Variants in ZC3H8 observed in about 807,000 individuals in gnomAD.
The protein encoded by ZC3H8 is zinc finger CCCH-type containing 8.
A neutral mutation model predicts 42.5 loss-of-function variants in ZC3H8; 27 were observed. That is an observed-to-expected ratio of 0.64 (90% CI 0.47 to 0.88). The LOEUF (loss-of-function observed/expected upper bound fraction) is 0.88, where lower values mean the gene tolerates loss of function less well. Among genes scored for constraint, ZC3H8 ranks in the 40% least tolerant of loss-of-function variants. The pLI is 0.00. For synonymous variants in ZC3H8, 101 were observed against 110.1 expected (o/e 0.92, Z 0.52); for missense variants, 277 against 336.1 (o/e 0.82, Z 1.37).
intron 8 of ZC3H8, among the ~76,000 whole-genome samples, chr2:112,226,316 C>A (rs989433756): frequency 6.6e-6 from 1 of 151,214 alleles, no homozygotes; most frequent in South Asian, 2.1e-4. Flanking sequence ...CGGCTGGGCG[C>A]GGTAGCTCAC....
chr2:112,248,954 G>A (rs1435792829), intron 2 of ZC3H8, among the ~76,000 whole-genome samples: 1 of 152,108 alleles, frequency 6.6e-6, no homozygotes, highest in Non-Finnish European at 1.5e-5. Context: ...CAGCACTTTG[G>A]GAGGCCGAGG....
intron 2 of ZC3H8, among the ~76,000 whole-genome samples, chr2:112,244,058 G>A (rs1365907273): frequency 7.2e-6 from 1 of 138,392 alleles, no homozygotes; most frequent in Non-Finnish European, 1.6e-5. Context: ...TCATATAAAA[G>A]GATATGAATA....
At position 112,238,535 on chromosome 2, in the gene ZC3H8, A is replaced by G. The variant is rs186515035; in HGVS notation, c.157-7T>C. On this transcript the variant is annotated splice_region_variant and splice_polypyrimidine_tract_variant and intron_variant, in intron 2 of 8. Transcript: ENST00000409573. ...ATATTGCAGAGTGTCTAAACTAAGT[A>G]AAAATTAAAACTTCAATTTTAAAAA... 8,522 of 1,587,438 alleles carry G rather than the reference A, an allele frequency of 5.4e-3. 33 individuals are homozygous for G. The highest frequency in any genetic ancestry group is 6.2e-3 in the Non-Finnish European group (7,242 of 1,172,282).
At chr2:112,237,426 TTTTA>T (rs1220976647) in intron 3 of ZC3H8, among the ~76,000 whole-genome samples, 2 of 152,156 alleles carry the variant, frequency 1.3e-5, no homozygotes, top group Non-Finnish European at 2.9e-5. Context: ...TAGATCAAGT[TTTTA>T]TTTATTTATC....
chr2:112,255,031 A>G lies in ZC3H8; in HGVS notation c.-50T>C. The G allele has an allele frequency of 1.3e-6, 2 of 1,547,728 alleles. No homozygotes were observed. The highest frequency in any genetic ancestry group is 1.7e-6 in the Non-Finnish European group (2 of 1,145,398). ...CGAGCCGGGAAGCTACAGAGTAACA[A>G]CCCGAGAGAGTGACAACCCGGACGC... On this transcript the variant is annotated 5_prime_UTR_variant, in exon 1 of 9. Transcript: ENST00000409573.
rs776802564 is a variant in ZC3H8 at position 112,254,904 on chromosome 2, T to C, written c.74+4A>G. 6.2e-7 allele frequency: 1 copy of C among 1,613,122 alleles called. No homozygotes were observed. Among genetic ancestry groups the C allele is most frequent in the East Asian group, 2.2e-5 (1 of 44,864 alleles). Reference sequence around the variant, plus strand: ...ATTCAAAAGATGAAAAGATATGGGATCACCTTTCGTCAGAGTCCGTGGCCG... The same window carrying C: ...ATTCAAAAGATGAAAAGATATGGGACCACCTTTCGTCAGAGTCCGTGGCCG... On this transcript the variant is annotated splice_donor_region_variant and intron_variant, in intron 1 of 8. Coordinates refer to ENST00000409573, the MANE Select transcript of ZC3H8 (RefSeq NM_032494.3).
chr2:112,240,237 A>G (rs981331808), intron 2 of ZC3H8: 3 of 152,256 alleles, frequency 2.0e-5, no homozygotes, highest in African/African-American at 7.2e-5. Flanking sequence ...TTACTGTAAC[A>G]CCAATTACAT....
intron 2 of ZC3H8, among the ~76,000 whole-genome samples, chr2:112,241,968 G>A (rs534085766): frequency 6.6e-6 from 1 of 152,208 alleles, no homozygotes; most frequent in South Asian, 2.1e-4. Flanking sequence ...AGTGGACTGA[G>A]AATTGTTACA....
At chr2:112,236,158 G>A (rs532980998) in intron 4 of ZC3H8, among the ~76,000 whole-genome samples, 2 of 152,214 alleles carry the variant, frequency 1.3e-5, no homozygotes, top group African/African-American at 4.8e-5. Flanking sequence ...CAGCTACTCA[G>A]GAGGCTGAGG....
At chr2:112,247,526 C>A (rs1415072650) in intron 2 of ZC3H8, among the ~76,000 whole-genome samples, 1 of 152,160 alleles carries the variant, frequency 6.6e-6, no homozygotes, top group African/African-American at 2.4e-5. Flanking sequence ...TTGCAGTGAG[C>A]CAAGATTTTG....
At chr2:112,243,488 A>G (rs529315929) in intron 2 of ZC3H8, among the ~76,000 whole-genome samples, 12 of 152,342 alleles carry the variant, frequency 7.9e-5, no homozygotes, top group Non-Finnish European at 4.4e-5. Context: ...ATAAAGTCTT[A>G]TTATATATCA....
intron 8 of ZC3H8, among the ~76,000 whole-genome samples, chr2:112,221,728 T>C (rs1684594744): frequency 6.6e-6 from 1 of 152,110 alleles, no homozygotes. Flanking sequence ...GTCTGGTTCT[T>C]TCTTATAATG....
At chr2:112,222,542 T>C (rs1684634292) in intron 8 of ZC3H8, among the ~76,000 whole-genome samples, 1 of 152,182 alleles carries the variant, frequency 6.6e-6, no homozygotes. Context: ...GAAGGACAAA[T>C]ACTATATGAT....
intron 1 of ZC3H8, chr2:112,254,077 AT>A: frequency 1.0e-6 from 1 of 971,130 alleles, no homozygotes; most frequent in Non-Finnish European, 1.2e-6. Context: ...GGATTAAGTG[AT>A]TTATTTCATG....
chr2:112,252,923 C>T (rs2104673045), intron 1 of ZC3H8, among the ~76,000 whole-genome samples: 1 of 152,280 alleles, frequency 6.6e-6, no homozygotes. Flanking sequence ...GCGGGCAGAT[C>T]ACAAGGTCAG....
chr2:112,222,301 C>T (rs1221292681), intron 8 of ZC3H8, among the ~76,000 whole-genome samples: 1 of 152,112 alleles, frequency 6.6e-6, no homozygotes, highest in Non-Finnish European at 1.5e-5. Flanking sequence ...CACGGGGTTG[C>T]ACCTGCCTGC....
chr2:112,230,483 C>T (rs1175348889), intron 8 of ZC3H8, among the ~76,000 whole-genome samples: 1 of 151,994 alleles, frequency 6.6e-6, no homozygotes, highest in African/African-American at 2.4e-5. Flanking sequence ...CTAATATAAA[C>T]ATAAAGTGAA....
At chr2:112,216,683 C>CAAA (rs71385865) in intron 8 of ZC3H8, among the ~76,000 whole-genome samples, 26,164 of 120,454 alleles carry the variant, frequency 0.22, 2,886 homozygotes, top group East Asian at 0.36. Context: ...AGAACTGAAG[C>CAAA]AAAAAAAAAA....
intron 2 of ZC3H8, among the ~76,000 whole-genome samples, chr2:112,241,375 C>T (rs1426508347): frequency 6.6e-6 from 1 of 152,070 alleles, no homozygotes; most frequent in African/African-American, 2.4e-5. Context: ...GGGAGCAACC[C>T]CTACTAGAAA....
Sources: gnomAD v4.1 joint callset for allele counts (sites outside exome capture counted in the v4.1 genomes callset) on GRCh38, gnomAD v4.1.1 for gene constraint, MANE v1.5 for transcripts, NCBI Gene and HGNC (gene_info 2026-07-23, HGNC 2026-07-21) for gene names.